The following IFT80 variants were observed in gnomAD, a reference collection of about 807,000 sequenced individuals.
IFT80 encodes intraflagellar transport 80.
A neutral mutation model predicts 107.9 loss-of-function variants in IFT80; 79 were observed. The observed-to-expected ratio is 0.73, with a 90% confidence interval of 0.61 to 0.88. IFT80 has a LOEUF of 0.88. IFT80 is among the 40% of genes least tolerant of loss of function. The probability of loss-of-function intolerance (pLI) is 0.00; values close to 1 mark genes in which losing one functional copy is unlikely to be tolerated. For synonymous variants in IFT80, 299 were observed against 300.9 expected, an observed-to-expected ratio of 0.99 and a Z score of 0.07; for missense variants, 797 against 914.2, an observed-to-expected ratio of 0.87 and a Z score of 1.65.
In IFT80 at chr3:160,275,746, A is replaced by G. The variant is rs868357940; in HGVS notation, c.2099+1560T>C. 9.2e-5 allele frequency among the ~76,000 whole-genome samples: 14 copies of G among 152,316 alleles called. No homozygotes were observed. In the Middle Eastern group the frequency reaches 0.014, roughly 148 times the overall value. On this transcript the variant is annotated intron_variant, in intron 18 of 19. Transcript: ENST00000326448. The stretch of plus-strand genomic sequence containing the variant: ...CAAAAACACTGGTCAAAAGAATGCT[A>G]TAAACACAATTCTTCCCCATTTCTC...
chr3:160,370,741 A>G (rs1311964808), intron 5 of IFT80, among the ~76,000 whole-genome samples: 2 of 152,154 alleles, frequency 1.3e-5, no homozygotes, highest in Non-Finnish European at 2.9e-5. Flanking sequence ...CAAGTTCTAC[A>G]TATCCAAAAC....
chr3:160,331,277 T>C lies in IFT80; in HGVS notation c.778-11338A>G, dbSNP rs1350972547. 2.0e-5 allele frequency among the ~76,000 whole-genome samples: 3 copies of C among 151,912 alleles called. No homozygotes were observed. In the East Asian group the frequency reaches 5.8e-4, roughly 29 times the overall value. On this transcript the variant is annotated intron_variant, in intron 8 of 19. Transcript: ENST00000326448. ...ACTTACGGGTGGGTAGTGTACAGAG[T>C]GGATATGCTGGACAAAGGGATGATT...
At chr3:160,262,626 C>T (rs573539133) in intron 19 of IFT80, among the ~76,000 whole-genome samples, 7 of 152,226 alleles carry the variant, frequency 4.6e-5, no homozygotes, top group Non-Finnish European at 8.8e-5. Context: ...CGCCCAGCCA[C>T]GGAGTAAGGT....
chr3:160,317,499 T>C (rs956261161), intron 9 of IFT80, among the ~76,000 whole-genome samples: 25 of 152,214 alleles, frequency 1.6e-4, no homozygotes, highest in African/African-American at 5.8e-4. Flanking sequence ...TTGGGGCATT[T>C]CTGTAATTAA....
chr3:160,361,563 C>T (rs973877568), intron 6 of IFT80, among the ~76,000 whole-genome samples: 2 of 152,192 alleles, frequency 1.3e-5, no homozygotes, highest in Admixed American at 6.5e-5. Flanking sequence ...CCCAAATCAA[C>T]AGAATACACA....
intron 13 of IFT80, 30 bp from the exon 14 acceptor site, chr3:160,282,643 GTTAGTT>G: frequency 7.5e-7 from 1 of 1,333,234 alleles, no homozygotes; most frequent in Non-Finnish European, 1.1e-6. Flanking sequence ...TAAATACTGG[GTTAGTT>G]TTAGTGTTTG....
intron 10 of IFT80, among the ~76,000 whole-genome samples, chr3:160,304,440 T>C (rs538982251): frequency 4.7e-5 from 7 of 149,730 alleles, no homozygotes; most frequent in Admixed American, 2.7e-4. Context: ...TTTTTCTTTT[T>C]TTTTTTTTTT....
At chr3:160,377,744 T>C (rs889963977) in intron 3 of IFT80, 13 of 397,092 alleles carry the variant, frequency 3.3e-5, no homozygotes, top group African/African-American at 2.5e-4. Context: ...ATGCATATGC[T>C]TACGTGGTTC....
intron 8 of IFT80, among the ~76,000 whole-genome samples, chr3:160,338,675 T>C (rs939535945): frequency 1.2e-4 from 18 of 149,720 alleles, no homozygotes; most frequent in Admixed American, 1.1e-3. Flanking sequence ...TGAGAACCCA[T>C]GTGTGTATCT....
chr3:160,351,592 A>G (rs975552820), intron 8 of IFT80, among the ~76,000 whole-genome samples: 4 of 147,536 alleles, frequency 2.7e-5, no homozygotes, highest in African/African-American at 9.8e-5. Flanking sequence ...ATATGTATAT[A>G]TAATATATAT....
At chr3:160,393,676 A>T (rs916410745) in intron 1 of IFT80, among the ~76,000 whole-genome samples, 8 of 152,216 alleles carry the variant, frequency 5.3e-5, no homozygotes, top group Non-Finnish European at 8.8e-5. Context: ...GATGGTTTTT[A>T]AAAAAGAAAA....
intron 8 of IFT80, 51 bp downstream of exon 8, chr3:160,355,962 A>T: frequency 6.3e-7 from 1 of 1,598,378 alleles, no homozygotes; most frequent in Non-Finnish European, 8.6e-7. Flanking sequence ...TGTGTTGTGC[A>T]TTACCACATT....
Position 160,396,775 on chromosome 3 carries a change from T to C in IFT80, c.-47+2371A>G, listed in dbSNP as rs111870383. Among the ~76,000 whole-genome samples, 261 of 152,316 alleles carry C rather than the reference T, an allele frequency of 1.7e-3. 1 individual carries two copies. Among genetic ancestry groups the C allele is most frequent in the African/African-American group, 5.8e-3 (241 of 41,588 alleles). ...TAAACTCTGTTAATTTCATGAGACA[T>C]GTCCAAAATATTGGCAACAATCAAC... On this transcript the variant is annotated intron_variant, in intron 1 of 19. Transcript: ENST00000326448.
chr3:160,319,036 T>C (rs1258310382), intron 9 of IFT80, among the ~76,000 whole-genome samples: 1 of 152,012 alleles, frequency 6.6e-6, no homozygotes, highest in Non-Finnish European at 1.5e-5. Flanking sequence ...TCATACTTTT[T>C]TTGCCCTATT....
intron 3 of IFT80, 127 bp from the exon 4 acceptor site, chr3:160,377,667 A>C: frequency 5.6e-6 from 3 of 540,016 alleles, no homozygotes; most frequent in Non-Finnish European, 9.9e-6. Context: ...TCTTAATATC[A>C]CATATAAATC....
chr3:160,277,128 A>G (rs1406693202), intron 18 of IFT80, among the ~76,000 whole-genome samples, 178 bp downstream of exon 18: 1 of 152,242 alleles, frequency 6.6e-6, no homozygotes, highest in East Asian at 1.9e-4. Flanking sequence ...ACTTTTAATC[A>G]GTCAAAAGTT....
intron 9 of IFT80, among the ~76,000 whole-genome samples, chr3:160,308,986 T>A (rs954725810): frequency 4.6e-5 from 7 of 152,164 alleles, no homozygotes; most frequent in African/African-American, 1.7e-4. Flanking sequence ...AGACACTAAA[T>A]CTGCTGGCAC....
Position 160,385,046 on chromosome 3 carries a change from G to C in IFT80, c.-46-400C>G, listed in dbSNP as rs138552625. ...GATTGAGGGCTAAGCTACAATTCTA[G>C]AATCCATGTGGAAAAATACAACATC... On this transcript the variant is annotated intron_variant, in intron 1 of 19. Transcript: ENST00000326448. Among the ~76,000 whole-genome samples, 633 of 152,268 alleles carry C rather than the reference G, an allele frequency of 4.2e-3. 2 individuals are homozygous for C. Among genetic ancestry groups the C allele is most frequent in the Non-Finnish European group, 6.5e-3 (441 of 68,006 alleles).
chr3:160,279,088 A>G, intron 16 of IFT80, 105 bp downstream of exon 16: 1 of 837,848 alleles, frequency 1.2e-6, no homozygotes, highest in Non-Finnish European at 1.9e-6. Context: ...ACATGATCTT[A>G]TTCACAATTT....
Sources: allele counts gnomAD v4.1 joint callset (sites outside exome capture counted in the v4.1 genomes callset), GRCh38; gene constraint gnomAD v4.1.1; transcripts MANE v1.5; gene names NCBI Gene and HGNC (gene_info 2026-07-23, HGNC 2026-07-21).